The following PDE3B variants were observed in gnomAD, a reference collection of about 807,000 sequenced individuals.
PDE3B encodes cGMP-inhibited 3',5'-cyclic phosphodiesterase 3B.
A neutral mutation model predicts 116.8 loss-of-function variants in PDE3B; 66 were observed. The ratio of observed to expected loss-of-function variants is 0.56; its 90% confidence interval spans 0.46 to 0.69. The LOEUF is 0.69. PDE3B is among the 30% of genes least tolerant of loss of function. The pLI, the probability that PDE3B is intolerant of heterozygous loss-of-function variation, is 0.00. For synonymous variants in PDE3B, 595 were observed against 533.6 expected (o/e 1.12, Z -1.59); for missense variants, 1,384 against 1,368.1 (o/e 1.01, Z -0.18).
intron 1 of PDE3B, among the ~76,000 whole-genome samples, chr11:14,749,896 TCCC>T (rs369827158): frequency 2.4e-5 from 1 of 41,774 alleles, no homozygotes; most frequent in Non-Finnish European, 4.6e-5. Context: ...AATAAATATA[TCCC>T]ATATATATAT....
At chr11:14,702,996 T>G (rs1855415927) in intron 1 of PDE3B, among the ~76,000 whole-genome samples, 1 of 151,906 alleles carries the variant, frequency 6.6e-6, no homozygotes. Flanking sequence ...TAACACCAAA[T>G]GCAGAGTTTC....
At chr11:14,852,623 G>A (rs1792104677) in intron 12 of PDE3B, among the ~76,000 whole-genome samples, 2 of 152,182 alleles carry the variant, frequency 1.3e-5, no homozygotes, top group Non-Finnish European at 2.9e-5. Flanking sequence ...GTGCTAGAAT[G>A]GAAAGGAGAT....
At chr11:14,787,209 TTTAA>T (rs1858233902) in intron 3 of PDE3B, among the ~76,000 whole-genome samples, 1 of 152,172 alleles carries the variant, frequency 6.6e-6, no homozygotes, top group Non-Finnish European at 1.5e-5. Flanking sequence ...TTAATTTCTC[TTTAA>T]AATATAAATA....
At chr11:14,867,479 A>G in intron 14 of PDE3B, 27 bp from the exon 15 acceptor site, 3 of 1,600,474 alleles carry the variant, frequency 1.9e-6, no homozygotes, top group Non-Finnish European at 2.6e-6. Flanking sequence ...CCAGTTAAAA[A>G]TGTACTTTTC....
At chr11:14,738,892 G>C (rs1856676872) in intron 1 of PDE3B, among the ~76,000 whole-genome samples, 1 of 152,132 alleles carries the variant, frequency 6.6e-6, no homozygotes, top group African/African-American at 2.4e-5. Context: ...TGCCAGGTTT[G>C]TCAAAGACCA....
chr11:14,647,718 A>G lies in PDE3B; in HGVS notation c.978+2665A>G, dbSNP rs186436220. On this transcript the variant is annotated intron_variant, in intron 1 of 15. Transcript: ENST00000282096. Reference sequence around the variant, plus strand: ...TTTCCTTAAGAATTTAAACATTTTTATTAACCTCTTTGAAAGCCACTTAAA... The same window carrying G: ...TTTCCTTAAGAATTTAAACATTTTTGTTAACCTCTTTGAAAGCCACTTAAA... 8.5e-5 allele frequency among the ~76,000 whole-genome samples: 13 copies of G among 152,114 alleles called. No homozygotes were observed. The East Asian group carries it at 2.5e-3, about 29-fold the overall frequency.
intron 14 of PDE3B, among the ~76,000 whole-genome samples, chr11:14,865,561 A>T (rs1328780111): frequency 6.6e-6 from 1 of 152,176 alleles, no homozygotes; most frequent in Non-Finnish European, 1.5e-5. Context: ...CAACACAATA[A>T]TGTATACTCT....
intron 1 of PDE3B, among the ~76,000 whole-genome samples, chr11:14,771,141 A>G (rs1348506266): frequency 6.6e-6 from 1 of 151,784 alleles, no homozygotes; most frequent in Non-Finnish European, 1.5e-5. Flanking sequence ...CTCATATTCA[A>G]TACAGGTTCA....
intron 1 of PDE3B, among the ~76,000 whole-genome samples, chr11:14,763,066 G>A (rs1857405367): frequency 6.6e-6 from 1 of 152,182 alleles, no homozygotes; most frequent in South Asian, 2.1e-4. Context: ...CACCCACAAA[G>A]CTAAGTGAAA....
intron 1 of PDE3B, among the ~76,000 whole-genome samples, chr11:14,654,956 A>G (rs1853670461): frequency 2.0e-4 from 1 of 5,128 alleles, no homozygotes; most frequent in East Asian, 6.2e-3. Flanking sequence ...AAGGAGGTCA[A>G]AAAAGGAAAC....
intron 1 of PDE3B, among the ~76,000 whole-genome samples, chr11:14,683,552 A>T (rs1854777699): frequency 6.6e-6 from 1 of 151,874 alleles, no homozygotes; most frequent in African/African-American, 2.4e-5. Flanking sequence ...TTGGTAATTT[A>T]TGTCTATCTT....
intron 1 of PDE3B, among the ~76,000 whole-genome samples, chr11:14,769,596 GATATAT>G (rs3059191): frequency 7.1e-6 from 1 of 141,562 alleles, no homozygotes; most frequent in Non-Finnish European, 1.5e-5. Flanking sequence ...CGAATCCAGG[GATATAT>G]ATATATATAT....
At chr11:14,756,891 T>C (rs1590118667) in intron 1 of PDE3B, among the ~76,000 whole-genome samples, 1 of 151,110 alleles carries the variant, frequency 6.6e-6, no homozygotes. Context: ...CATGCTGGTG[T>C]GCTGCACCCA....
chr11:14,829,954 C>A (rs144127767), intron 7 of PDE3B, among the ~76,000 whole-genome samples: 1 of 152,060 alleles, frequency 6.6e-6, no homozygotes, highest in African/African-American at 2.4e-5. Context: ...GTCTTTCATA[C>A]GCTTTTGAAC....
chr11:14,707,000 C>G (rs757132403), intron 1 of PDE3B, among the ~76,000 whole-genome samples: 7 of 151,826 alleles, frequency 4.6e-5, no homozygotes, highest in Non-Finnish European at 8.8e-5. Flanking sequence ...TGAAGACAAT[C>G]TAGATGCCTC....
In PDE3B at chr11:14,676,670, C is replaced by T. The variant is rs993776363; in HGVS notation, c.978+31617C>T. The stretch of plus-strand genomic sequence containing the variant: ...ACTTTATAAAAAAGTAACCGCGTCA[C>T]AATGTCATGACAGCTGCAACTGAAA... On this transcript the variant is annotated intron_variant, in intron 1 of 15. Transcript: ENST00000282096. Among the ~76,000 whole-genome samples, 29 of 152,230 alleles carry T rather than the reference C, an allele frequency of 1.9e-4. 1 individual carries two copies. The Middle Eastern group carries it at 0.01, about 54-fold the overall frequency.
Position 14,644,992 on chromosome 11 carries a change from G to C in PDE3B, c.917G>C (p.Ser306Thr). 6.2e-7 allele frequency: 1 copy of C among 1,613,752 alleles called. No homozygotes were observed. The highest frequency in any genetic ancestry group is 1.3e-5 in the African/African-American group (1 of 75,018). The change falls in exon 1 of 16, where the codon AGT becomes ACT. Residue 306 changes from serine (S) to threonine (T), a missense_variant. Physicochemically the swap from Ser to Thr is moderately conservative, Grantham distance 58. Transcript: ENST00000282096. The stretch of plus-strand genomic sequence containing the variant: ...GTGTCGTTAGGAGAAACTGCAGCCA[G>C]TTACTATGGCAGTTGCAAAATATTC... ...SCVSLGETAA[S>T]YYGSCKIFRR...
intron 2 of PDE3B, chr11:14,772,602 G>A (rs796138827): frequency 3.3e-5 from 5 of 151,846 alleles, no homozygotes; most frequent in African/African-American, 9.6e-5. Flanking sequence ...AATCCTATCC[G>A]ACTTCTAATA....
the PDE3B span, among the ~76,000 whole-genome samples, chr11:14,883,210 G>A: frequency 1.3e-5 from 2 of 151,434 alleles, no homozygotes; most frequent in African/African-American, 4.8e-5. Flanking sequence ...AACCAAAAAA[G>A]AGCCTGCATC....
Sources: gnomAD v4.1 joint callset for allele counts (sites outside exome capture counted in the v4.1 genomes callset) on GRCh38, gnomAD v4.1.1 for gene constraint, MANE v1.5 for transcripts, NCBI Gene and HGNC (gene_info 2026-07-23, HGNC 2026-07-21) for gene names.